Variants in ARSD observed in about 807,000 individuals in gnomAD.
The protein encoded by ARSD is arylsulfatase D, also known as testis tissue sperm-binding protein Li 39a.
A neutral mutation model predicts 32.6 loss-of-function variants in ARSD; 21 were observed. That is an observed-to-expected ratio of 0.64 (90% CI 0.46 to 0.93). The LOEUF (loss-of-function observed/expected upper bound fraction) is 0.93, where lower values mean the gene tolerates loss of function less well. Among genes scored for constraint, ARSD ranks in the 40% least tolerant of loss-of-function variants. The pLI, the probability that ARSD is intolerant of heterozygous loss-of-function variation, is 0.00. For synonymous variants in ARSD, 224 were observed against 237.4 expected (o/e 0.94, Z 0.52); for missense variants, 454 against 520.9 (o/e 0.87, Z 1.25).
intron 6 of ARSD, among the ~76,000 whole-genome samples, chrX:2,911,402 G>A (rs1302512922): frequency 9.1e-6 from 1 of 109,923 alleles, no homozygotes; most frequent in Admixed American, 9.7e-5. Flanking sequence ...CAGGTGTGGT[G>A]GCTCACGCCT....
chrX:2,926,757 GAA>G (rs2089086222), intron 1 of ARSD, among the ~76,000 whole-genome samples: 1 of 112,353 alleles, frequency 8.9e-6, no homozygotes, highest in Non-Finnish European at 1.9e-5. Context: ...AACCCTGTAA[GAA>G]AAGTAACTTT....
Position 2,918,146 on chromosome X carries a change from T to A in ARSD, c.521A>T (p.Tyr174Phe). The A allele has an allele frequency of 1.7e-6, 2 of 1,200,470 alleles. No homozygotes were observed. Among genetic ancestry groups the A allele is most frequent in the Non-Finnish European group, 2.3e-6 (2 of 888,774 alleles). The change falls in exon 5 of 10, where the codon TAC becomes TTC. Residue 174 changes from tyrosine to phenylalanine, a missense_variant. Transcript: ENST00000381154. ...HPLNHGFDYF[Y>F]GMPFTLTNDC... is the part of the protein sequence containing the mutation. ...GTTTGTGAGCGTGAAGGGCATGCCGTAGAAATAGTCAAATCCGTGGTTCAG... is the reference window on the plus strand; with the variant it reads ...GTTTGTGAGCGTGAAGGGCATGCCGAAGAAATAGTCAAATCCGTGGTTCAG...
chrX:2,920,849 C>T, intron 3 of ARSD, 126 bp from the exon 4 acceptor site: 2 of 866,481 alleles, frequency 2.3e-6, no homozygotes, highest in Non-Finnish European at 1.6e-6. Context: ...TATCTATCAT[C>T]CATCTATCAT....
In ARSD at chrX:2,929,231, C is replaced by G; in HGVS notation, c.44+1G>C. On this transcript the variant is annotated splice_donor_variant, in intron 1 of 9. Coordinates refer to ENST00000381154, the MANE Select transcript of ARSD (RefSeq NM_001669.4). LOFTEE classifies it high-confidence loss of function. Reference sequence around the variant, plus strand: ...GGGCCGCGTCCCGGGGTCCCAGGCACCTGGCGGCGGGCGCGGCGCGTCCCC... The same window carrying G: ...GGGCCGCGTCCCGGGGTCCCAGGCAGCTGGCGGCGGGCGCGGCGCGTCCCC... 7.7e-6 allele frequency: 8 copies of G among 1,040,841 alleles called. No individual in the cohort carries two copies. Among genetic ancestry groups the G allele is most frequent in the Non-Finnish European group, 9.8e-6 (8 of 818,122 alleles). The allele number at this position is 1,040,841 out of a possible 1,213,427, so 85.8% of individuals were successfully genotyped here.
Position 2,914,568 on chromosome X carries a change from C to T in ARSD, c.1000+988G>A. On this transcript the variant is annotated intron_variant, in intron 6 of 9. Coordinates refer to ENST00000381154, the MANE Select transcript of ARSD (RefSeq NM_001669.4). ...AAATGCAGACTTTTAAGACTGTGAA[C>T]TCTATCACGATGCTTGTCTCAGGAG... The T allele has an allele frequency of 9.9e-6, 10 of 1,011,327 alleles. No homozygotes were observed. In the Middle Eastern group the frequency reaches 2.2e-3, roughly 223 times the overall value. The allele number at this position is 1,011,327 out of a possible 1,213,427, so 83.3% of individuals were successfully genotyped here. A position where few individuals can be genotyped will look rare whatever the true frequency, so the allele number is the denominator to read the frequency against.
At chrX:2,924,906 C>T (rs749523910) in intron 2 of ARSD, among the ~76,000 whole-genome samples, 1 of 110,549 alleles carries the variant, frequency 9.0e-6, no homozygotes, top group Admixed American at 9.6e-5. Flanking sequence ...AGGGTCCTCC[C>T]CTACAGCCTC....
rs148106633 is a variant in ARSD, at chrX:2,915,581, A to G, written c.975T>C (p.Asn325=). The G allele has an allele frequency of 1.7e-6, 2 of 1,211,708 alleles. No homozygotes were observed. The highest frequency in any genetic ancestry group is 3.5e-5 in the South Asian group (2 of 56,994). Residue 325 remains asparagine, a synonymous_variant, in exon 6 of 10, where the codon AAT becomes AAC. Coordinates refer to ENST00000381154, the MANE Select transcript of ARSD (RefSeq NM_001669.4). The part of the protein sequence containing the change: ...GKSQHGLYGD[N]VEEMDWLIGK... ...CTATGAGCCAGTCCATCTCCTCCACATTATCACCATATAAGCCATGCTGAC... is the reference window on the plus strand; with the variant it reads ...CTATGAGCCAGTCCATCTCCTCCACGTTATCACCATATAAGCCATGCTGAC...
chrX:2,915,993 G>A (rs1377827661), intron 5 of ARSD, among the ~76,000 whole-genome samples: 17 of 108,973 alleles, frequency 1.6e-4, no homozygotes, highest in Admixed American at 1.2e-3. Context: ...TTAGCTGGGC[G>A]TGGTGGCTTG....
chrX:2,908,819 A>G lies in ARSD; in HGVS notation c.1322T>C (p.Val441Ala). 8.3e-7 allele frequency: 1 copy of G among 1,211,220 alleles called. No individual in the cohort carries two copies. The highest frequency in any genetic ancestry group is 1.8e-5 in the South Asian group (1 of 56,931). ...TGCCTCAGCTCCCTGCAGCAAGGGT[A>G]CCAGGCTGTGGCCATCAATCACCCT... Reference protein sequence around the residue: ...QDRVIDGHSLVPLLQGAEARS... With the variant: ...QDRVIDGHSLAPLLQGAEARS... Residue 441 changes from valine to alanine, a missense_variant, in exon 9 of 10, where the codon GTA (valine) becomes GCA (alanine). Coordinates refer to ENST00000381154, the MANE Select transcript of ARSD (RefSeq NM_001669.4).
Position 2,905,105 on chromosome X carries a change from G to C in ARSD, c.*2166C>G. 1 of 339,002 alleles carries C rather than the reference G, an allele frequency of 2.9e-6. No homozygotes were observed. The highest frequency in any genetic ancestry group is 5.9e-6 in the Non-Finnish European group (1 of 169,282). The allele number at this position is 339,002 out of a possible 1,213,427, so 27.9% of individuals were successfully genotyped here. Reference sequence around the variant, plus strand: ...AGGGAGCCAGGGGAGAGGGGCATCAGCTGCCTGGTTAGCAGGGCTGTGATG... The same window carrying C: ...AGGGAGCCAGGGGAGAGGGGCATCACCTGCCTGGTTAGCAGGGCTGTGATG... On this transcript the variant is annotated 3_prime_UTR_variant, in exon 10 of 10. Transcript: ENST00000381154.
intron 4 of ARSD, among the ~76,000 whole-genome samples, chrX:2,918,662 C>T (rs973619876): frequency 9.0e-6 from 1 of 111,229 alleles, no homozygotes; most frequent in Admixed American, 9.6e-5. Context: ...ATGGCGTGAA[C>T]CTGGGAGGCG....
intron 4 of ARSD, among the ~76,000 whole-genome samples, chrX:2,919,316 G>C (rs1298009953): frequency 9.4e-6 from 1 of 106,602 alleles, no homozygotes; most frequent in African/African-American, 3.5e-5. Flanking sequence ...AGGGGAACTG[G>C]GGACCCTGCA....
intron 6 of ARSD, among the ~76,000 whole-genome samples, chrX:2,911,527 A>G (rs1250419786): frequency 9.7e-6 from 1 of 103,461 alleles, no homozygotes; most frequent in African/African-American, 3.6e-5. Flanking sequence ...AAAATTAGCC[A>G]GGCATGGTGG....
rs369620079 is a variant in ARSD at position 2,917,809 on chromosome X, A to C, written c.858T>G (p.Ile286Met). ...AAGATGCGATGGTTGCTTACCTTTC[A>C]ATATAGGAAACAGCTTCCTTTAGCA... is the stretch of plus-strand genomic sequence containing the variant. ...SLMLKEAVSY[I>M]ERHKHGPFLL... The change falls in exon 5 of 10, where the codon ATT (isoleucine) becomes ATG (methionine). Residue 286 changes from isoleucine (I) to methionine (M), a missense_variant. This residue lies in a region of ARSD where 271 missense variants were observed against 301.0 expected (regional missense o/e 0.90). Coordinates refer to ENST00000381154, the MANE Select transcript of ARSD (RefSeq NM_001669.4). 4.2e-6 allele frequency: 5 copies of C among 1,203,783 alleles called. No individual in the cohort carries two copies. In the African/African-American group the frequency reaches 8.7e-5, roughly 21 times the overall value.
Position 2,904,923 on chromosome X carries a change from TC to T in ARSD, c.*2347del. On this transcript the variant is annotated 3_prime_UTR_variant, in exon 10 of 10. Transcript: ENST00000381154. ...TGTTTCTTTTTTTTTTTTTTTTTAA[TC>T]ATTTTTTGGTTATGCCAGGTGTCTC... is the stretch of plus-strand genomic sequence containing the variant. 2 of 253,585 alleles carry T rather than the reference TC, an allele frequency of 7.9e-6. No homozygotes were observed. Among genetic ancestry groups the T allele is most frequent in the South Asian group, 4.1e-5 (1 of 24,109 alleles). The allele number at this position is 253,585 out of a possible 1,213,427, so 20.9% of individuals were successfully genotyped here.
Position 2,907,131 on chromosome X carries a change from G to T in ARSD, c.*140C>A. The T allele has an allele frequency of 1.8e-6, 1 of 558,716 alleles. No individual in the cohort carries two copies. The highest frequency in any genetic ancestry group is 2.8e-6 in the Non-Finnish European group (1 of 351,436). The allele number at this position is 558,716 out of a possible 1,213,427, so 46.0% of individuals were successfully genotyped here. A position where few individuals can be genotyped will look rare whatever the true frequency, so the allele number is the denominator to read the frequency against. ...CACTCTGTCTCAAAAAAGAAAGAAA[G>T]AAAGAAAGAAAGTGGGGACCCACTC... On this transcript the variant is annotated 3_prime_UTR_variant, in exon 10 of 10. Coordinates refer to ENST00000381154, the MANE Select transcript of ARSD (RefSeq NM_001669.4).
At chrX:2,929,189 A>G in intron 1 of ARSD, 43 bp downstream of exon 1, 1 of 1,009,151 alleles carries the variant, frequency 9.9e-7, no homozygotes, top group Non-Finnish European at 1.3e-6. Flanking sequence ...CCAGGCCCCC[A>G]CCCTAGGCCT....
chrX:2,904,375 C>T lies in ARSD; in HGVS notation c.*2896G>A, dbSNP rs1188432548. ...TCCAAGGGCAGGGAAGAGGCTCCAT[C>T]GTGTAGTTGGGCTCACTTGGAAGGT... On this transcript the variant is annotated 3_prime_UTR_variant, in exon 10 of 10. Coordinates refer to ENST00000381154, the MANE Select transcript of ARSD (RefSeq NM_001669.4). 9.0e-6 allele frequency: 1 copy of T among 111,463 alleles called. No individual in the cohort carries two copies. The highest frequency in any genetic ancestry group is 1.9e-5 in the Non-Finnish European group (1 of 53,211). 9.2% of individuals were successfully genotyped at this position (111,463 alleles called of 1,213,427 possible).
At position 2,929,289 on chromosome X, in the gene ARSD, C is replaced by G. The variant is rs1481567357; in HGVS notation, c.-14G>C. ...GGCGGATCGCATGGCCGAGCGCTGGCCCAGAGCGCAGGACCTTGCCCTGCG... is the reference window on the plus strand; with the variant it reads ...GGCGGATCGCATGGCCGAGCGCTGGGCCAGAGCGCAGGACCTTGCCCTGCG... On this transcript the variant is annotated 5_prime_UTR_variant, in exon 1 of 10. Coordinates refer to ENST00000381154, the MANE Select transcript of ARSD (RefSeq NM_001669.4). 2.0e-6 allele frequency: 2 copies of G among 997,800 alleles called. No individual in the cohort carries two copies. Among genetic ancestry groups the G allele is most frequent in the South Asian group, 3.5e-5 (1 of 28,954 alleles). The allele number at this position is 997,800 out of a possible 1,213,427, so 82.2% of individuals were successfully genotyped here.
Sources: allele counts gnomAD v4.1 joint callset (sites outside exome capture counted in the v4.1 genomes callset), GRCh38; gene constraint gnomAD v4.1.1; regional missense constraint gnomAD v4.1.1; transcripts MANE v1.5; gene names NCBI Gene and HGNC (gene_info 2026-07-23, HGNC 2026-07-21).